PGGHG: variants seen among roughly 807,000 people sequenced by gnomAD.
The protein encoded by PGGHG is protein-glucosylgalactosylhydroxylysine glucosidase.
In PGGHG, 67 loss-of-function variants were observed where a neutral mutation model predicts 74.5. The observed-to-expected ratio is 0.90, with a 90% confidence interval of 0.74 to 1.10. The LOEUF (loss-of-function observed/expected upper bound fraction) is 1.10. Among genes scored for constraint, PGGHG ranks in the 50% least tolerant of loss-of-function variants. The pLI is 0.00. For missense variants in PGGHG, 1,034 were observed against 981.5 expected, an observed-to-expected ratio of 1.05 and a Z score of -0.72; for synonymous variants, 496 against 419.9, an observed-to-expected ratio of 1.18 and a Z score of -2.21.
In PGGHG at chr11:292,105, C is replaced by A; in HGVS notation, c.1026+10C>A. 1 of 1,547,424 alleles carries A rather than the reference C, an allele frequency of 6.5e-7. No homozygotes were observed. Among genetic ancestry groups the A allele is most frequent in the East Asian group, 2.4e-5 (1 of 41,502 alleles). On this transcript the variant is annotated intron_variant, in intron 5 of 13. Transcript: ENST00000409548. ...GAACCTGGGCTACCAGGTGAGGGGA[C>A]CTGGGGCACTGGCCCGTAGGGCCCT...
chr11:289,763 A>C lies in PGGHG; in HGVS notation c.-13-41A>C, dbSNP rs1019118717. The C allele has an allele frequency of 6.6e-7, 1 of 1,516,190 alleles. No individual in the cohort carries two copies. Among genetic ancestry groups the C allele is most frequent in the Non-Finnish European group, 8.9e-7 (1 of 1,129,632 alleles). The allele number at this position is 1,516,190 out of a possible 1,614,324, so 93.9% of individuals were successfully genotyped here. A position where few individuals can be genotyped will look rare whatever the true frequency, so the allele number is the denominator to read the frequency against. ...ACAGACGGTCTCAAGAGGGAGGCCCAGCCAGTCCCGCGGCCCCTGACACCC... is the reference window on the plus strand; with the variant it reads ...ACAGACGGTCTCAAGAGGGAGGCCCCGCCAGTCCCGCGGCCCCTGACACCC... On this transcript the variant is annotated intron_variant, in intron 1 of 13. Transcript: ENST00000409548. This position sits in a 1 kb window ranked among gnomAD's most constrained non-coding sequence, Gnocchi z 5.6.
In PGGHG at chr11:292,081, AACCTGGGCTACCAGGTGAGGGG is replaced by A. The variant is rs1234170099; in HGVS notation, c.1020_1026+15del. 3.8e-6 allele frequency: 6 copies of A among 1,563,400 alleles called. No homozygotes were observed. The highest frequency in any genetic ancestry group is 5.2e-6 in the Non-Finnish European group (6 of 1,153,848). ...GGACGGGGCCCTGGAGAACGCCCAG[AACCTGGGCTACCAGGTGAGGGG>A]ACCTGGGGCACTGGCCCGTAGGGCC... On this transcript the variant is annotated splice_donor_variant and splice_donor_5th_base_variant and coding_sequence_variant and intron_variant, in exon 5 of 14. Transcript: ENST00000409548. LOFTEE classifies it high-confidence loss of function.
In PGGHG at chr11:294,925, G is replaced by A; in HGVS notation, c.*176G>A. On this transcript the variant is annotated 3_prime_UTR_variant, in exon 14 of 14. Coordinates refer to ENST00000409548, the MANE Select transcript of PGGHG (RefSeq NM_025092.5). ...TTCTGCCTGTAGCCTGGACTCCCGT[G>A]GACCCCCGTGGGCAGGTGGCTTCCC... 1 of 731,512 alleles carries A rather than the reference G, an allele frequency of 1.4e-6. No homozygotes were observed. Among genetic ancestry groups the A allele is most frequent in the African/African-American group, 1.8e-5 (1 of 56,032 alleles). The allele number at this position is 731,512 out of a possible 1,614,324, so 45.3% of individuals were successfully genotyped here.
intron 4 of PGGHG, chr11:291,519 C>T (rs567376578): frequency 3.6e-5 from 9 of 252,500 alleles, no homozygotes; most frequent in Admixed American, 3.0e-4. Context: ...TACTGGAGGC[C>T]GACGGGGGTG....
At position 290,009 on chromosome 11, in the gene PGGHG, C is replaced by G. The variant is rs1256900626; in HGVS notation, c.193C>G (p.Arg65Gly). The G allele has an allele frequency of 6.5e-7, 1 of 1,547,448 alleles. No homozygotes were observed. The highest frequency in any genetic ancestry group is 2.0e-5 in the Admixed American group (1 of 50,988). The change falls in exon 2 of 14, where the codon CGG becomes GGG. Residue 65 changes from arginine to glycine, a missense_variant. Coordinates refer to ENST00000409548, the MANE Select transcript of PGGHG (RefSeq NM_025092.5). ...RAMLPSPLNV[R>G]LEAPAGMGEQ... Reference sequence around the variant, plus strand: ...CATGCTGCCCAGCCCCCTCAACGTCCGGCTGGAGGCCCCTGCAGGGATGGG... The same window carrying G: ...CATGCTGCCCAGCCCCCTCAACGTCGGGCTGGAGGCCCCTGCAGGGATGGG...
At chr11:294,014 G>T in intron 11 of PGGHG, 85 bp from the exon 12 acceptor site, 1 of 1,578,484 alleles carries the variant, frequency 6.3e-7, no homozygotes, top group Non-Finnish European at 8.6e-7. Context: ...GTGCACCCCT[G>T]GAGCTTCCTG....
chr11:294,320 G>C lies in PGGHG; in HGVS notation c.1862G>C (p.Arg621Thr). The C allele has an allele frequency of 6.2e-7, 1 of 1,612,954 alleles. No homozygotes were observed. The highest frequency in any genetic ancestry group is 8.5e-7 in the Non-Finnish European group (1 of 1,179,852). Residue 621 changes from arginine to threonine, a missense_variant, in exon 13 of 14, where the codon AGA becomes ACA. Coordinates refer to ENST00000409548, the MANE Select transcript of PGGHG (RefSeq NM_025092.5). ...FDPVCLSGIS[R>T]VSVSGIFYQG... ...CCTGTGTGTCTGTCGGGGATCTCCA[G>C]AGTGAGCGTCTCCGGCATCTTCTAC...
At chr11:290,152 C>A in intron 2 of PGGHG, 77 bp downstream of exon 2, 1 of 1,461,058 alleles carries the variant, frequency 6.8e-7, no homozygotes, top group Non-Finnish European at 9.0e-7. Context: ...CATCGAATCC[C>A]ACCAGCACCT....
chr11:291,747 ACG>A (rs1423897992), intron 4 of PGGHG: 1 of 539,632 alleles, frequency 1.9e-6, no homozygotes, highest in African/African-American at 1.9e-5. Context: ...GGCCACACAA[ACG>A]CCGGCTGGGG....
chr11:293,475 C>T lies in PGGHG; in HGVS notation c.1453C>T (p.His485Tyr), dbSNP rs116623300. Reference protein sequence around the residue: ...KVPFDVEQNFHPEFDGYEPGE... With the variant: ...KVPFDVEQNFYPEFDGYEPGE... ...ACCCTTTGACGTGGAGCAGAACTTC[C>T]ACCCGGAGTTCGATGGGTATGAGCC... is the stretch of plus-strand genomic sequence containing the variant. Residue 485 changes from histidine (H) to tyrosine (Y), a missense_variant, in exon 9 of 14, where the codon CAC becomes TAC. His to Tyr is a moderately conservative substitution (Grantham distance 83, BLOSUM62 2). Coordinates refer to ENST00000409548, the MANE Select transcript of PGGHG (RefSeq NM_025092.5). 8 of 1,611,738 alleles carry T rather than the reference C, an allele frequency of 5.0e-6. No individual in the cohort carries two copies. In the African/African-American group the frequency reaches 1.1e-4, roughly 21 times the overall value.
In PGGHG at chr11:290,548, C is replaced by T. The variant is rs1845687415; in HGVS notation, c.418C>T (p.Pro140Ser). ...ITLLLRSAFS[P>S]ESPDLDLHQG... ...GCTGCTCCTGCGGTCAGCCTTCTCC[C>T]CAGAAAGCCCAGACCTGGACCTGCA... The change falls in exon 3 of 14, where the codon CCA (proline) becomes TCA (serine). Residue 140 changes from proline (P) to serine (S), a missense_variant. Pro to Ser is a moderately conservative substitution (Grantham distance 74). Transcript: ENST00000409548. The T allele has an allele frequency of 6.4e-7, 1 of 1,550,998 alleles. No homozygotes were observed. Among genetic ancestry groups the T allele is most frequent in the Non-Finnish European group, 8.7e-7 (1 of 1,147,168 alleles).
At position 293,586 on chromosome 11, in the gene PGGHG, C is replaced by A. The variant is rs764881630; in HGVS notation, c.1481-8C>A. 1.2e-6 allele frequency: 2 copies of A among 1,613,344 alleles called. No homozygotes were observed. The highest frequency in any genetic ancestry group is 2.7e-5 in the African/African-American group (2 of 74,906). On this transcript the variant is annotated splice_polypyrimidine_tract_variant and splice_region_variant and intron_variant, in intron 9 of 13. Transcript: ENST00000409548. ...GAACACCTTCCAGTCAGCGGCACCTCCCTGTAGGAGAGGTGGTGAAGCAGG... is the reference window on the plus strand; with the variant it reads ...GAACACCTTCCAGTCAGCGGCACCTACCTGTAGGAGAGGTGGTGAAGCAGG...
chr11:293,291 C>T (rs1845782744), intron 8 of PGGHG, 56 bp downstream of exon 8: 2 of 1,603,204 alleles, frequency 1.2e-6, no homozygotes, highest in Admixed American at 1.7e-5. Context: ...GGAGACCTGC[C>T]CCGGTGCCCC....
chr11:291,186 G>A, intron 4 of PGGHG, 73 bp downstream of exon 4: 2 of 1,468,868 alleles, frequency 1.4e-6, no homozygotes, highest in East Asian at 2.3e-5. Context: ...GCCCTCCCTG[G>A]GACCAGGGCT....
Position 290,010 on chromosome 11 carries a change from G to A in PGGHG, c.194G>A (p.Arg65Gln), listed in dbSNP as rs993640378. The stretch of plus-strand genomic sequence containing the variant: ...ATGCTGCCCAGCCCCCTCAACGTCC[G>A]GCTGGAGGCCCCTGCAGGGATGGGG... ...RAMLPSPLNV[R>Q]LEAPAGMGEQ... is the part of the protein sequence containing the mutation. Residue 65 changes from arginine to glutamine, a missense_variant, in exon 2 of 14, where the codon CGG becomes CAG. Arg to Gln is a conservative substitution (Grantham distance 43). Transcript: ENST00000409548. 13 of 1,547,284 alleles carry A rather than the reference G, an allele frequency of 8.4e-6. No homozygotes were observed. The African/African-American group carries it at 9.6e-5, about 11-fold the overall frequency.
At position 290,407 on chromosome 11, in the gene PGGHG, C is replaced by A. The variant is rs1845682760; in HGVS notation, c.277C>A (p.Leu93Met). The A allele has an allele frequency of 1.3e-6, 2 of 1,546,142 alleles. No homozygotes were observed. Among genetic ancestry groups the A allele is most frequent in the African/African-American group, 2.7e-5 (2 of 72,920 alleles). ...DTNTGSFLHT[L>M]EGPRFRASQC... ...CTCCCCAGGCTCCTTTCTTCACACC[C>A]TGGAGGGCCCCCGCTTCCGGGCCTC... Residue 93 changes from leucine to methionine, a missense_variant, in exon 3 of 14, where the codon CTG becomes ATG. Coordinates refer to ENST00000409548, the MANE Select transcript of PGGHG (RefSeq NM_025092.5).
At chr11:290,260 CG>C (rs941923501) in intron 2 of PGGHG, 129 bp from the exon 3 acceptor site, 18 of 1,352,360 alleles carry the variant, frequency 1.3e-5, no homozygotes, top group South Asian at 2.8e-5. Context: ...GCAGCTGTAG[CG>C]GGAACGAGCA....
rs377132410 is a variant in PGGHG, at chr11:294,401, C to T, written c.1943C>T (p.Thr648Ile). The stretch of plus-strand genomic sequence containing the variant: ...GAGGACTCCGTGACCGTGGAGGTCA[C>T]AGCTCGAGCAGGGCCCTGGGCTCCT... Reference protein sequence around the residue: ...FSEDSVTVEVTARAGPWAPHL... With the variant: ...FSEDSVTVEVIARAGPWAPHL... Residue 648 changes from threonine (T) to isoleucine (I), a missense_variant, in exon 13 of 14, where the codon ACA becomes ATA. Coordinates refer to ENST00000409548, the MANE Select transcript of PGGHG (RefSeq NM_025092.5). The T allele has an allele frequency of 3.7e-6, 6 of 1,608,448 alleles. No individual in the cohort carries two copies. The South Asian group carries it at 4.4e-5, about 12-fold the overall frequency.
chr11:293,237 T>A lies in PGGHG; in HGVS notation c.1343+2T>A, dbSNP rs760027702. 6.2e-7 allele frequency: 1 copy of A among 1,612,692 alleles called. No individual in the cohort carries two copies. Among genetic ancestry groups the A allele is most frequent in the Admixed American group, 1.7e-5 (1 of 59,984 alleles). On this transcript the variant is annotated splice_donor_variant, in intron 8 of 13. Coordinates refer to ENST00000409548, the MANE Select transcript of PGGHG (RefSeq NM_025092.5). LOFTEE classifies it high-confidence loss of function. Reference sequence around the variant, plus strand: ...CACCAACGTCCTGGTCCAGAACAGGTCAGACACAAGATCCCCTCACCTCAC... The same window carrying A: ...CACCAACGTCCTGGTCCAGAACAGGACAGACACAAGATCCCCTCACCTCAC...
Sources: allele counts gnomAD v4.1 joint callset, GRCh38; gene constraint gnomAD v4.1.1; non-coding constraint Gnocchi (gnomAD v3.1); transcripts MANE v1.5; gene names NCBI Gene and HGNC (gene_info 2026-07-23, HGNC 2026-07-21).